The following OSBPL10 variants were observed in gnomAD, a reference collection of about 807,000 sequenced individuals.
The protein encoded by OSBPL10 is oxysterol binding protein like 10.
Under a neutral mutation model 81.7 loss-of-function variants are expected in OSBPL10, and 49 were observed. That is an observed-to-expected ratio of 0.60 (90% CI 0.48 to 0.76). The LOEUF is 0.76. Ranked by LOEUF, OSBPL10 falls within the 30% of genes least tolerant of loss-of-function variation. The probability of loss-of-function intolerance (pLI) is 0.00; values close to 1 mark genes in which losing one functional copy is unlikely to be tolerated. For synonymous variants in OSBPL10, 419 were observed against 383.6 expected, an observed-to-expected ratio of 1.09 and a Z score of -1.08; for missense variants, 923 against 987.8, an observed-to-expected ratio of 0.93 and a Z score of 0.88.
intron 1 of OSBPL10, among the ~76,000 whole-genome samples, chr3:31,921,726 C>T (rs1180176448): frequency 6.6e-6 from 1 of 152,164 alleles, no homozygotes; most frequent in African/African-American, 2.4e-5. Flanking sequence ...ACTCTTTAAA[C>T]ACTAGGTTGA....
chr3:31,918,291 A>G (rs1013011586), intron 1 of OSBPL10, among the ~76,000 whole-genome samples: 2 of 151,530 alleles, frequency 1.3e-5, no homozygotes, highest in Non-Finnish European at 1.5e-5. Context: ...TGAAACAAAA[A>G]CATCTAGAAG....
chr3:31,670,646 T>C (rs1371548851), intron 9 of OSBPL10, 151 bp downstream of exon 9: 2 of 861,394 alleles, frequency 2.3e-6, no homozygotes, highest in Non-Finnish European at 3.4e-6. Flanking sequence ...CCATGTAAGG[T>C]AGGGAAAAGG....
chr3:31,926,899 C>T (rs1200941347), intron 1 of OSBPL10, among the ~76,000 whole-genome samples: 1 of 152,158 alleles, frequency 6.6e-6, no homozygotes, highest in African/African-American at 2.4e-5. Context: ...CACTTGAAGT[C>T]AGGAGTTCGA....
intron 2 of OSBPL10, among the ~76,000 whole-genome samples, chr3:31,987,928 G>T (rs1177442560): frequency 1.3e-5 from 2 of 152,198 alleles, no homozygotes; most frequent in African/African-American, 4.8e-5. Context: ...ATGAACTTGG[G>T]TTAGGAAAAT....
At chr3:32,073,568 T>C (rs981298958) in intron 1 of OSBPL10, among the ~76,000 whole-genome samples, 63 of 152,188 alleles carry the variant, frequency 4.1e-4, no homozygotes, top group African/African-American at 1.4e-3. Context: ...AGAACAGTAA[T>C]GACCCTTATG....
At chr3:31,922,112 T>A (rs1483871438) in intron 1 of OSBPL10, among the ~76,000 whole-genome samples, 1 of 152,150 alleles carries the variant, frequency 6.6e-6, no homozygotes, top group Non-Finnish European at 1.5e-5. Context: ...GACAACTAAA[T>A]GTAATACGGT....
chr3:31,978,801 G>C (rs530465399), intron 1 of OSBPL10, among the ~76,000 whole-genome samples: 54 of 152,244 alleles, frequency 3.5e-4, no homozygotes, highest in African/African-American at 1.3e-3. Context: ...ATTTCACCTA[G>C]GTAGCCTGCT....
At chr3:31,839,312 G>T (rs1700437042) in intron 3 of OSBPL10, among the ~76,000 whole-genome samples, 1 of 151,980 alleles carries the variant, frequency 6.6e-6, no homozygotes, top group South Asian at 2.1e-4. Context: ...AACATCAACT[G>T]ACTCACATTA....
At chr3:31,727,411 T>C (rs1696843147) in intron 6 of OSBPL10, among the ~76,000 whole-genome samples, 1 of 152,130 alleles carries the variant, frequency 6.6e-6, no homozygotes, top group South Asian at 2.1e-4. Flanking sequence ...AAAAGGTCTA[T>C]TCTACAGATT....
chr3:31,704,467 G>A (rs1437958805), intron 6 of OSBPL10, among the ~76,000 whole-genome samples: 1 of 152,186 alleles, frequency 6.6e-6, no homozygotes, highest in East Asian at 1.9e-4. Context: ...TCTGCTTTGG[G>A]AAGAAAAAGG....
rs1298667223 is a variant in OSBPL10 at position 32,065,991 on chromosome 3, GAA to G, written n.185+11403_185+11404del. On this transcript the variant is annotated intron_variant and non_coding_transcript_variant, in intron 1 of 3. Coordinates refer to the OSBPL10 transcript ENST00000479173. ...AGAAAGAAAGAAAGAAAGAAAGAAA[GAA>G]AGAAAGAAAGAAAGAGAAAGAAAGA... 3.2e-3 allele frequency among the ~76,000 whole-genome samples: 211 copies of G among 65,374 alleles called. 61 individuals carry two copies. The East Asian group carries it at 0.048, about 15-fold the overall frequency. 42.9% of individuals were successfully genotyped at this position (65,374 alleles called of 152,430 possible). A position where few individuals can be genotyped will look rare whatever the true frequency, so the allele number is the denominator to read the frequency against.
chr3:31,951,327 G>A (rs1325871058), intron 1 of OSBPL10, among the ~76,000 whole-genome samples: 3 of 151,764 alleles, frequency 2.0e-5, no homozygotes, highest in African/African-American at 7.3e-5. Flanking sequence ...ATATAAAACT[G>A]AGAAACAAAA....
intron 2 of OSBPL10, chr3:31,990,465 C>A (rs879205768): frequency 5.1e-6 from 8 of 1,565,110 alleles, no homozygotes; most frequent in South Asian, 3.6e-5. Flanking sequence ...GTGGCAAGAC[C>A]TTCCATCACA....
intron 1 of OSBPL10, among the ~76,000 whole-genome samples, chr3:31,894,216 G>C (rs1695990893): frequency 6.6e-6 from 1 of 152,166 alleles, no homozygotes; most frequent in African/African-American, 2.4e-5. Flanking sequence ...GTCGGAGTTG[G>C]AGATGTGAAT....
intron 1 of OSBPL10, among the ~76,000 whole-genome samples, chr3:31,899,052 C>CCTTACAGGTTTAAGCGAGTCT (rs140137650): frequency 0.42 from 62,708 of 148,234 alleles, 13,610 homozygotes; most frequent in East Asian, 0.72. Flanking sequence ...ACCTCTGCCT[C>CCTTACAGGTTTAAGCGAGTCT]CCTGCCTCAG....
chr3:31,898,945 T>C (rs1696145126), intron 1 of OSBPL10, among the ~76,000 whole-genome samples: 1 of 144,350 alleles, frequency 6.9e-6, no homozygotes, highest in South Asian at 2.3e-4. Flanking sequence ...ACAGTTAACT[T>C]TAAACCTTTT....
At chr3:31,966,028 C>T (rs1437920955) in intron 1 of OSBPL10, among the ~76,000 whole-genome samples, 3 of 139,114 alleles carry the variant, frequency 2.2e-5, no homozygotes, top group Non-Finnish European at 4.5e-5. Context: ...GGCTCAGTCG[C>T]TCATGCCTGT....
intron 3 of OSBPL10, among the ~76,000 whole-genome samples, chr3:31,842,503 A>G (rs1345066364): frequency 6.6e-6 from 1 of 152,210 alleles, no homozygotes; most frequent in Non-Finnish European, 1.5e-5. Context: ...AATGCAAAAG[A>G]AAAGTTGTTG....
chr3:31,984,592 T>C (rs1698907693), upstream of OSBPL10, among the ~76,000 whole-genome samples: 1 of 152,164 alleles, frequency 6.6e-6, no homozygotes, highest in African/African-American at 2.4e-5. Context: ...ATAGTGGTGT[T>C]ATCTATAGGA....
Sources: allele counts gnomAD v4.1 joint callset (sites outside exome capture counted in the v4.1 genomes callset), GRCh38; gene constraint gnomAD v4.1.1; transcripts MANE v1.5; gene names NCBI Gene and HGNC (gene_info 2026-07-23, HGNC 2026-07-21).